TANC2: variants seen among roughly 807,000 people sequenced by gnomAD.
TANC2 encodes protein TANC2.
TANC2 carries 26 observed loss-of-function variants against 210.5 expected under a neutral mutation model. The observed-to-expected ratio is 0.12, with a 90% CI of 0.09 to 0.17. The LOEUF is 0.17. Ranked by LOEUF, TANC2 falls within the 10% of genes least tolerant of loss-of-function variation. The pLI, the probability that TANC2 is intolerant of heterozygous loss-of-function variation, is 1.00. For synonymous variants in TANC2, 931 were observed against 967.1 expected, an observed-to-expected ratio of 0.96 and a Z score of 0.69; for missense variants, 2,129 against 2,608.9, an observed-to-expected ratio of 0.82 and a Z score of 4.01.
rs1289366741 is a variant in TANC2 at position 63,419,201 on chromosome 17, G to A, written c.4268+794G>A. Among the ~76,000 whole-genome samples, 5 of 152,188 alleles carry A rather than the reference G, an allele frequency of 3.3e-5. No individual in the cohort carries two copies. The East Asian group carries it at 7.7e-4, about 23-fold the overall frequency. On this transcript the variant is annotated intron_variant, in intron 27 of 27. Transcript: ENST00000689528. ...TCCCGAAAATCACACCCAGCTTGAGGCTAGTGATGGTGGTGGCAGTGATCG... is the reference window on the plus strand; with the variant it reads ...TCCCGAAAATCACACCCAGCTTGAGACTAGTGATGGTGGTGGCAGTGATCG...
chr17:63,379,597 A>G, intron 14 of TANC2, 121 bp from the exon 15 acceptor site: 1 of 616,082 alleles, frequency 1.6e-6, no homozygotes, highest in South Asian at 2.7e-5. Flanking sequence ...TAAACCCAAG[A>G]GGTGGAGGCT....
chr17:63,317,759 TA>T (rs1295268432), intron 10 of TANC2, among the ~76,000 whole-genome samples: 6 of 152,238 alleles, frequency 3.9e-5, no homozygotes, highest in Non-Finnish European at 8.8e-5. Flanking sequence ...TATTAACTTT[TA>T]TTTCTACTAT....
At chr17:63,405,090 A>G in intron 19 of TANC2, 32 bp from the exon 20 acceptor site, 1 of 1,587,950 alleles carries the variant, frequency 6.3e-7, no homozygotes, top group Non-Finnish European at 8.6e-7. Flanking sequence ...GACCAGAACC[A>G]CCTATCCTCA....
chr17:63,175,327 G>A (rs575779358), intron 5 of TANC2, among the ~76,000 whole-genome samples: 1 of 152,140 alleles, frequency 6.6e-6, no homozygotes, highest in African/African-American at 2.4e-5. Context: ...AGGAGTTTGT[G>A]ACCAGCCCTG....
chr17:63,167,442 A>G (rs1860660), intron 5 of TANC2, among the ~76,000 whole-genome samples: 91,013 of 151,932 alleles, frequency 0.6, 29,736 homozygotes, highest in African/African-American at 0.86. Context: ...AGTGAATGTT[A>G]TTTTCTTTTG....
chr17:63,189,830 A>C (rs1045464237), intron 5 of TANC2, among the ~76,000 whole-genome samples: 4 of 152,196 alleles, frequency 2.6e-5, no homozygotes, highest in African/African-American at 9.7e-5. Flanking sequence ...ATCATTGCCT[A>C]ACCAAAGGTC....
intron 4 of TANC2, among the ~76,000 whole-genome samples, chr17:63,114,315 A>T (rs1336466130): frequency 6.6e-6 from 1 of 152,210 alleles, no homozygotes; most frequent in East Asian, 1.9e-4. Context: ...ATTAAACAGA[A>T]ATACTGCTTC....
chr17:63,099,025 G>GTA, intron 3 of TANC2, 150 bp from the exon 4 acceptor site: 3 of 770,014 alleles, frequency 3.9e-6, no homozygotes, highest in Middle Eastern at 2.4e-4. Flanking sequence ...TGAGTACATA[G>GTA]TAAGTGTAGA....
At chr17:63,213,532 A>G (rs2041945866) in intron 7 of TANC2, among the ~76,000 whole-genome samples, 1 of 152,220 alleles carries the variant, frequency 6.6e-6, no homozygotes, top group Non-Finnish European at 1.5e-5. Context: ...TTAATAAGAC[A>G]ACTTCCAGAA....
rs141980030 is a variant in TANC2 at position 63,363,453 on chromosome 17, G to A, written c.2582+8063G>A. Among the ~76,000 whole-genome samples, 18 of 152,194 alleles carry A rather than the reference G, an allele frequency of 1.2e-4. No individual in the cohort carries two copies. The East Asian group carries it at 3.5e-3, about 29-fold the overall frequency. On this transcript the variant is annotated intron_variant, in intron 14 of 27. Coordinates refer to ENST00000689528, the Ensembl canonical transcript of TANC2. ...TCTATCCAGACCAATGTCTTGAAAA[G>A]TTTCCCTAATATTTTCTTTTAATAG... is the stretch of plus-strand genomic sequence containing the variant.
chr17:63,417,744 G>A (rs1027009491), intron 26 of TANC2, among the ~76,000 whole-genome samples: 2 of 152,106 alleles, frequency 1.3e-5, no homozygotes, highest in African/African-American at 2.4e-5. Flanking sequence ...TACACTTGGG[G>A]GTTATGAAGC....
chr17:63,256,768 G>C lies in TANC2; in HGVS notation c.1034-10980G>C, dbSNP rs539710602. 2.6e-4 allele frequency among the ~76,000 whole-genome samples: 39 copies of C among 152,142 alleles called. 1 individual carries two copies. In the South Asian group the frequency reaches 8.1e-3, roughly 32 times the overall value. On this transcript the variant is annotated intron_variant, in intron 8 of 27. Coordinates refer to ENST00000689528, the Ensembl canonical transcript of TANC2. ...ATAATAATTGGGTGCTCCAGTGTTA[G>C]GTGCATATGTATTTGGGTGCTCCAG... is the stretch of plus-strand genomic sequence containing the variant.
intron 5 of TANC2, chr17:63,155,366 T>C (rs975829278): frequency 6.6e-6 from 1 of 152,134 alleles, no homozygotes; most frequent in African/African-American, 2.4e-5. Context: ...TCATTATACT[T>C]TTCTGCATTT....
rs561984596 is a variant in TANC2, at chr17:63,237,811, C to T, written c.770-3C>T. 582 of 1,518,348 alleles carry T rather than the reference C, an allele frequency of 3.8e-4. 1 individual carries two copies. The African/African-American group carries it at 7.4e-3, about 19-fold the overall frequency. The allele number at this position is 1,518,348 out of a possible 1,614,324, so 94.1% of individuals were successfully genotyped here. The stretch of plus-strand genomic sequence containing the variant: ...TAAATTCATTTTACTCTTTTTTTTT[C>T]AGCTACATTAACAAGCTATTCTGAA... On this transcript the variant is annotated splice_polypyrimidine_tract_variant and splice_region_variant and intron_variant, in intron 7 of 27. Transcript: ENST00000689528.
intron 2 of TANC2, 122 bp downstream of exon 2, chr17:63,009,748 A>AC: frequency 3.7e-6 from 3 of 814,908 alleles, no homozygotes; most frequent in Non-Finnish European, 5.9e-6. Flanking sequence ...GAAAGTTTAC[A>AC]TTTCTTTGGG....
At chr17:62,992,662 G>A (rs1460154908) in intron 1 of TANC2, among the ~76,000 whole-genome samples, 2 of 152,232 alleles carry the variant, frequency 1.3e-5, no homozygotes, top group East Asian at 3.9e-4. Flanking sequence ...TAGCAACATA[G>A]CATTTGGATC....
chr17:63,035,840 C>G (rs1002230486), intron 2 of TANC2, among the ~76,000 whole-genome samples: 3 of 152,160 alleles, frequency 2.0e-5, no homozygotes, highest in Non-Finnish European at 4.4e-5. Flanking sequence ...ATAAGAGTTC[C>G]AAATGCTCCA....
intron 2 of TANC2, among the ~76,000 whole-genome samples, chr17:63,019,899 C>T (rs894530443): frequency 3.3e-5 from 5 of 152,006 alleles, no homozygotes; most frequent in African/African-American, 1.2e-4. Flanking sequence ...AAAATATATT[C>T]TCCCAGTCTA....
intron 12 of TANC2, among the ~76,000 whole-genome samples, chr17:63,341,838 C>T (rs2046238593): frequency 6.6e-6 from 1 of 152,188 alleles, no homozygotes; most frequent in Non-Finnish European, 1.5e-5. Context: ...CTTTCAATTC[C>T]TTGTTCTGAC....
Sources: gnomAD v4.1 joint callset for allele counts (sites outside exome capture counted in the v4.1 genomes callset) on GRCh38, gnomAD v4.1.1 for gene constraint, MANE v1.5 for transcripts, NCBI Gene and HGNC (gene_info 2026-07-23, HGNC 2026-07-21) for gene names.